The following BACH2 variants were observed in gnomAD, a reference collection of about 807,000 sequenced individuals.
BACH2 encodes transcription regulator protein BACH2.
In BACH2, 5 loss-of-function variants were observed where a neutral mutation model predicts 61.8. The ratio of observed to expected loss-of-function variants is 0.08; its 90% CI spans 0.04 to 0.17. The LOEUF (loss-of-function observed/expected upper bound fraction) is 0.17. Ranked by LOEUF, BACH2 falls within the 10% of genes least tolerant of loss-of-function variation. The probability of loss-of-function intolerance (pLI) is 1.00; values close to 1 mark genes in which losing one functional copy is unlikely to be tolerated. For missense variants in BACH2, 824 were observed against 1,091.1 expected (o/e 0.76, Z 3.45); for synonymous variants, 446 against 440.1 (o/e 1.01, Z -0.17).
intron 3 of BACH2, among the ~76,000 whole-genome samples, chr6:90,233,551 T>C (rs2127861223): frequency 6.6e-6 from 1 of 152,278 alleles, no homozygotes; most frequent in Admixed American, 6.5e-5. Context: ...ACTCTATGAG[T>C]CTCAGGTACC....
At chr6:90,114,777 G>A (rs207266) in intron 4 of BACH2, among the ~76,000 whole-genome samples, 9,801 of 152,024 alleles carry the variant, frequency 0.064, 424 homozygotes, top group Admixed American at 0.099. Context: ...CTATAGTCTC[G>A]GCCCAAAAGC....
chr6:90,100,728 G>GACACACACACACACACACACAGACACAC (rs1554245826), intron 4 of BACH2, among the ~76,000 whole-genome samples: 1 of 142,270 alleles, frequency 7.0e-6, no homozygotes, highest in African/African-American at 2.6e-5. Context: ...CACACACACA[G>GACACACACACACACACACACAGACACAC]ACACACACAC....
intron 3 of BACH2, among the ~76,000 whole-genome samples, chr6:90,234,836 G>C (rs1191716084): frequency 6.6e-6 from 1 of 152,200 alleles, no homozygotes; most frequent in African/African-American, 2.4e-5. Flanking sequence ...AGTGAACCCA[G>C]ATGGTGCTAG....
chr6:90,279,415 C>G (rs1393406327), intron 1 of BACH2, among the ~76,000 whole-genome samples: 1 of 150,804 alleles, frequency 6.6e-6, no homozygotes, highest in Non-Finnish European at 1.5e-5. Context: ...CGCAGCCACT[C>G]AAGAGGCTGA....
chr6:90,016,214 T>C lies in BACH2; in HGVS notation c.-12-7358A>G, dbSNP rs118167264. On this transcript the variant is annotated intron_variant, in intron 5 of 8. Transcript: ENST00000257749. ...GGTCTTGCTTTTTAAAAAAATCTAA[T>C]CTGAAAACGTCTGAGTTTTAATTCT... Among the ~76,000 whole-genome samples the C allele has an allele frequency of 3.4e-3, 514 of 152,310 alleles. 3 individuals carry two copies. Among genetic ancestry groups the C allele is most frequent in the East Asian group, 0.013 (67 of 5,188 alleles).
rs937565665 is a variant in BACH2, at chr6:90,030,567, G to A, written c.-12-21711C>T. Among the ~76,000 whole-genome samples, 16 of 152,000 alleles carry A rather than the reference G, an allele frequency of 1.1e-4. No individual in the cohort carries two copies. The East Asian group carries it at 1.2e-3, about 11-fold the overall frequency. Reference sequence around the variant, plus strand: ...AATACAAACTACCATCAGAGAATACGATAAACACCTCTACGCAAATAAACT... The same window carrying A: ...AATACAAACTACCATCAGAGAATACAATAAACACCTCTACGCAAATAAACT... On this transcript the variant is annotated intron_variant, in intron 5 of 8. Transcript: ENST00000257749.
chr6:90,054,126 A>G (rs1435461261), intron 5 of BACH2, among the ~76,000 whole-genome samples: 1 of 152,208 alleles, frequency 6.6e-6, no homozygotes, highest in Non-Finnish European at 1.5e-5. Flanking sequence ...GGTGCAGGAC[A>G]GTGGGTGCAG....
At chr6:90,139,002 C>T (rs1354526687) in intron 4 of BACH2, among the ~76,000 whole-genome samples, 1 of 152,156 alleles carries the variant, frequency 6.6e-6, no homozygotes, top group East Asian at 1.9e-4. Context: ...AAGGATTGTC[C>T]TTTCCGCCTC....
intron 4 of BACH2, among the ~76,000 whole-genome samples, chr6:90,195,707 G>A (rs1344754413): frequency 1.3e-5 from 2 of 152,162 alleles, no homozygotes; most frequent in Non-Finnish European, 2.9e-5. Flanking sequence ...TCTTCTAAGA[G>A]CATCTGCTTC....
At position 90,160,374 on chromosome 6, in the gene BACH2, A is replaced by T. The variant is rs185450033; in HGVS notation, c.-162+46195T>A. Among the ~76,000 whole-genome samples, 504 of 152,308 alleles carry T rather than the reference A, an allele frequency of 3.3e-3. 5 individuals are homozygous for T. The highest frequency in any genetic ancestry group is 3.4e-3 in the Middle Eastern group (1 of 294). On this transcript the variant is annotated intron_variant, in intron 4 of 8. Transcript: ENST00000257749. The stretch of plus-strand genomic sequence containing the variant: ...AGGGGACAGGAATCATGTGAGCTGG[A>T]TCCTGTGATGCAGCTAAAATGCAGC...
chr6:90,116,988 T>C, intron 4 of BACH2: 1 of 380,864 alleles, frequency 2.6e-6, no homozygotes. Flanking sequence ...TTGCTCCTTC[T>C]TTCTCTGGCA....
At chr6:89,963,302 G>GT (rs1472727127) in intron 6 of BACH2, among the ~76,000 whole-genome samples, 2 of 150,670 alleles carry the variant, frequency 1.3e-5, no homozygotes, top group Non-Finnish European at 3.0e-5. Context: ...TTTCTTGTTT[G>GT]TTTTTGTTTT....
Position 90,021,302 on chromosome 6 carries a change from A to G in BACH2, c.-12-12446T>C, listed in dbSNP as rs570879826. 2.8e-5 allele frequency among the ~76,000 whole-genome samples: 4 copies of G among 144,798 alleles called. No homozygotes were observed. In the East Asian group the frequency reaches 7.8e-4, roughly 28 times the overall value. 95.0% of individuals were successfully genotyped at this position (144,798 alleles called of 152,430 possible). ...GTAAAAGTATAAAGCAAAAAAGTAA[A>G]AAAAAAAAAAAAAAACCAACAAAAA... On this transcript the variant is annotated intron_variant, in intron 5 of 8. Coordinates refer to ENST00000257749, the MANE Select transcript of BACH2 (RefSeq NM_021813.4).
intron 5 of BACH2, among the ~76,000 whole-genome samples, chr6:90,077,899 C>T (rs1231757837): frequency 1.3e-5 from 2 of 152,046 alleles, no homozygotes; most frequent in African/African-American, 4.8e-5. Flanking sequence ...ATCCTGAAGG[C>T]TAACAAAAAA....
intron 4 of BACH2, among the ~76,000 whole-genome samples, chr6:90,120,917 AAT>A (rs1783597513): frequency 1.9e-5 from 2 of 105,092 alleles, no homozygotes; most frequent in South Asian, 6.3e-4. Flanking sequence ...TGAGTGTGAA[AAT>A]AGTTATTTGT....
intron 6 of BACH2, among the ~76,000 whole-genome samples, chr6:89,975,952 G>A (rs1165841815): frequency 6.6e-6 from 1 of 152,192 alleles, no homozygotes; most frequent in Admixed American, 6.5e-5. Flanking sequence ...ATCAAACACT[G>A]TGTCAGCGAC....
chr6:90,113,866 A>C (rs528521714), intron 4 of BACH2, among the ~76,000 whole-genome samples: 1 of 152,202 alleles, frequency 6.6e-6, no homozygotes, highest in South Asian at 2.1e-4. Context: ...GAAATAAAAC[A>C]ACCATCAGAA....
intron 1 of BACH2, among the ~76,000 whole-genome samples, chr6:90,291,076 G>T (rs189070618): frequency 7.2e-4 from 110 of 152,284 alleles, no homozygotes; most frequent in Admixed American, 2.0e-3. Flanking sequence ...AAAGGTCAGG[G>T]AGGAAAATGA....
chr6:90,239,615 T>C (rs1364631685), intron 3 of BACH2, among the ~76,000 whole-genome samples: 1 of 152,176 alleles, frequency 6.6e-6, no homozygotes, highest in African/African-American at 2.4e-5. Context: ...TATGCACATA[T>C]TTATGTATAT....
Sources: gnomAD v4.1 joint callset for allele counts (sites outside exome capture counted in the v4.1 genomes callset) on GRCh38, gnomAD v4.1.1 for gene constraint, MANE v1.5 for transcripts, NCBI Gene and HGNC (gene_info 2026-07-23, HGNC 2026-07-21) for gene names.